CADM2: variants seen among roughly 807,000 people sequenced by gnomAD.
CADM2 encodes the protein immunoglobulin superfamily member 4D.
CADM2 carries 12 observed loss-of-function variants against 49.8 expected under a neutral mutation model. The ratio of observed to expected loss-of-function variants is 0.24; its 90% confidence interval spans 0.15 to 0.39. The LOEUF is 0.39. Among genes scored for constraint, CADM2 ranks in the 10% least tolerant of loss-of-function variants. The probability of loss-of-function intolerance (pLI) is 1.00; values close to 1 mark genes in which losing one functional copy is unlikely to be tolerated. For synonymous variants in CADM2, 214 were observed against 175.4 expected, an observed-to-expected ratio of 1.22 and a Z score of -1.74; for missense variants, 378 against 492.3, an observed-to-expected ratio of 0.77 and a Z score of 2.20.
chr3:84,974,973 C>G (rs1463523200), intron 1 of CADM2, among the ~76,000 whole-genome samples: 1 of 151,600 alleles, frequency 6.6e-6, no homozygotes, highest in East Asian at 1.9e-4. Context: ...TATGTGATCT[C>G]AAGAAAAAGC....
intron 1 of CADM2, among the ~76,000 whole-genome samples, chr3:85,724,184 G>C (rs2067605130): frequency 6.6e-6 from 1 of 151,928 alleles, no homozygotes; most frequent in Admixed American, 6.6e-5. Flanking sequence ...AGAATTTGTA[G>C]TGTATCAGTT....
At position 85,834,159 on chromosome 3, in the gene CADM2, C is replaced by A. The variant is rs368002506; in HGVS notation, c.238+31963C>A. Among the ~76,000 whole-genome samples, 11 of 151,666 alleles carry A rather than the reference C, an allele frequency of 7.3e-5. 1 individual carries two copies. In the South Asian group the frequency reaches 1.0e-3, roughly 14 times the overall value. ...GGTCTCTTAACATGAAGACAGAAAT[C>A]ATGGATCTACTATTAACTCACTTTT... On this transcript the variant is annotated intron_variant, in intron 3 of 9. Transcript: ENST00000383699.
At chr3:85,253,588 T>G (rs897382071) in intron 1 of CADM2, among the ~76,000 whole-genome samples, 3 of 152,118 alleles carry the variant, frequency 2.0e-5, no homozygotes, top group Non-Finnish European at 4.4e-5. Flanking sequence ...TTTGTTGAAC[T>G]GCTGAAATTC....
At chr3:85,861,887 TAAAAG>T (rs1262414160) in intron 3 of CADM2, among the ~76,000 whole-genome samples, 1 of 152,004 alleles carries the variant, frequency 6.6e-6, no homozygotes, top group Non-Finnish European at 1.5e-5. Context: ...AAAAATAACT[TAAAAG>T]AAAATTTAAT....
intron 1 of CADM2, among the ~76,000 whole-genome samples, chr3:85,057,427 TATTA>T (rs2036124294): frequency 6.6e-6 from 1 of 152,106 alleles, no homozygotes; most frequent in Non-Finnish European, 1.5e-5. Flanking sequence ...TCATAAAAAT[TATTA>T]ATTAAATGAT....
chr3:85,042,977 G>A (rs1263914503), intron 1 of CADM2, among the ~76,000 whole-genome samples: 2 of 152,056 alleles, frequency 1.3e-5, no homozygotes, highest in South Asian at 4.2e-4. Context: ...AAGCAGAAAC[G>A]TATTATACTT....
intron 1 of CADM2, among the ~76,000 whole-genome samples, chr3:85,391,313 T>C (rs532476147): frequency 2.0e-5 from 3 of 152,092 alleles, no homozygotes; most frequent in African/African-American, 7.2e-5. Flanking sequence ...AGTTTTGTGA[T>C]AAAAAGAGGA....
chr3:85,026,973 C>G (rs895548979), intron 1 of CADM2, among the ~76,000 whole-genome samples: 1 of 151,852 alleles, frequency 6.6e-6, no homozygotes, highest in African/African-American at 2.4e-5. Context: ...CTAACGACAG[C>G]TAGGCATTAG....
chr3:85,318,009 A>G (rs2044508796), intron 1 of CADM2, among the ~76,000 whole-genome samples: 1 of 151,992 alleles, frequency 6.6e-6, no homozygotes, highest in Non-Finnish European at 1.5e-5. Context: ...GAACATGTTC[A>G]AATTTATAAA....
chr3:85,305,153 A>G (rs903271872), intron 1 of CADM2, among the ~76,000 whole-genome samples: 2 of 151,576 alleles, frequency 1.3e-5, no homozygotes, highest in African/African-American at 4.8e-5. Context: ...ATTTTTTATA[A>G]ATGACTTTTC....
intron 1 of CADM2, among the ~76,000 whole-genome samples, chr3:85,692,192 T>C (rs963061459): frequency 6.6e-6 from 1 of 151,988 alleles, no homozygotes; most frequent in African/African-American, 2.4e-5. Context: ...GGCTACTGGG[T>C]GTAGAGTTTT....
At chr3:85,488,611 A>C (rs1470909243) in intron 1 of CADM2, among the ~76,000 whole-genome samples, 1 of 152,100 alleles carries the variant, frequency 6.6e-6, no homozygotes, top group Non-Finnish European at 1.5e-5. Context: ...TGCTCACTGC[A>C]ACCTCCGACT....
chr3:85,776,805 G>T (rs1225934267), intron 2 of CADM2, among the ~76,000 whole-genome samples: 1 of 151,848 alleles, frequency 6.6e-6, no homozygotes, highest in Non-Finnish European at 1.5e-5. Flanking sequence ...CCCAATCCTG[G>T]TGATTATATA....
At chr3:85,057,806 A>T (rs2036144798) in intron 1 of CADM2, among the ~76,000 whole-genome samples, 1 of 152,144 alleles carries the variant, frequency 6.6e-6, no homozygotes, top group African/African-American at 2.4e-5. Flanking sequence ...TGAATAGTTC[A>T]CATCTTGTTT....
intron 1 of CADM2, among the ~76,000 whole-genome samples, chr3:85,275,945 T>A (rs557242109): frequency 5.3e-5 from 8 of 151,250 alleles, no homozygotes; most frequent in Non-Finnish European, 1.2e-4. Context: ...AGAACTATTA[T>A]TGGTATTTCT....
rs964485614 is a variant in CADM2, at chr3:86,069,837, C to CTTTTT, written c.*3056_*3060dup. The CTTTTT allele has an allele frequency of 6.6e-6, 1 of 151,924 alleles. No homozygotes were observed. The highest frequency in any genetic ancestry group is 1.9e-4 in the East Asian group (1 of 5,198). 9.4% of individuals were successfully genotyped at this position (151,924 alleles called of 1,614,324 possible). A position where few individuals can be genotyped will look rare whatever the true frequency, so the allele number is the denominator to read the frequency against. ...CTAAGCGGCATTTTACTTTTCTTTTCTTTTTTATTTTCCATTTTTGGGTGT... is the reference window on the plus strand; with the variant it reads ...CTAAGCGGCATTTTACTTTTCTTTTCTTTTTTTTTTTATTTTCCATTTTTGGGTGT... On this transcript the variant is annotated 3_prime_UTR_variant, in exon 10 of 10. Transcript: ENST00000383699.
chr3:85,478,673 G>T (rs1287993591), intron 1 of CADM2, among the ~76,000 whole-genome samples: 2 of 151,912 alleles, frequency 1.3e-5, no homozygotes, highest in Non-Finnish European at 2.9e-5. Context: ...TTATTGAAAT[G>T]AAATGCTTTC....
intron 1 of CADM2, among the ~76,000 whole-genome samples, chr3:84,979,553 T>C (rs896109954): frequency 6.6e-6 from 1 of 152,120 alleles, no homozygotes; most frequent in African/African-American, 2.4e-5. Context: ...GTAAAACACT[T>C]CTTCTAAGAA....
intron 1 of CADM2, among the ~76,000 whole-genome samples, chr3:85,659,929 T>A (rs1055067997): frequency 2.0e-5 from 3 of 152,102 alleles, no homozygotes; most frequent in African/African-American, 7.2e-5. Context: ...GACTTCAATT[T>A]AAAAAAAATG....
Sources: gnomAD v4.1 joint callset for allele counts (sites outside exome capture counted in the v4.1 genomes callset) on GRCh38, gnomAD v4.1.1 for gene constraint, MANE v1.5 for transcripts, NCBI Gene and HGNC (gene_info 2026-07-23, HGNC 2026-07-21) for gene names.